The following EML1 variants were observed in gnomAD, a reference collection of about 807,000 sequenced individuals.
The protein encoded by EML1 is EMAP like 1.
A neutral mutation model predicts 110.4 loss-of-function variants in EML1; 27 were observed. That is an observed-to-expected ratio of 0.24 (90% CI 0.18 to 0.34). The LOEUF is 0.34. Ranked by LOEUF, EML1 falls within the 10% of genes least tolerant of loss-of-function variation. The probability of loss-of-function intolerance (pLI) is 1.00; values close to 1 mark genes in which losing one functional copy is unlikely to be tolerated. For synonymous variants in EML1, 344 were observed against 385.8 expected (o/e 0.89, Z 1.27); for missense variants, 741 against 1,030.9 (o/e 0.72, Z 3.85).
Position 99,846,698 on chromosome 14 carries a change from T to G in EML1, c.68-4155T>G, listed in dbSNP as rs148915601. Among the ~76,000 whole-genome samples, 10 of 152,336 alleles carry G rather than the reference T, an allele frequency of 6.6e-5. No individual in the cohort carries two copies. The East Asian group carries it at 1.7e-3, about 26-fold the overall frequency. ...TATATGTTTATATAACTTATCAAATTATTTTAGAAATTTGTAGGCAGGTGT... is the reference window on the plus strand; with the variant it reads ...TATATGTTTATATAACTTATCAAATGATTTTAGAAATTTGTAGGCAGGTGT... On this transcript the variant is annotated intron_variant, in intron 1 of 21. Transcript: ENST00000262233.
chr14:99,820,213 A>G (rs2058238650), intron 1 of EML1, among the ~76,000 whole-genome samples: 1 of 152,238 alleles, frequency 6.6e-6, no homozygotes, highest in African/African-American at 2.4e-5. Context: ...AGCTCTACCT[A>G]TACATGGGAG....
chr14:99,750,964 C>A (rs2057168189), intron 1 of EML1, among the ~76,000 whole-genome samples: 1 of 152,110 alleles, frequency 6.6e-6, no homozygotes, highest in African/African-American at 2.4e-5. Flanking sequence ...CCTTCCACCT[C>A]CAGGCCTCGG....
intron 1 of EML1, among the ~76,000 whole-genome samples, chr14:99,743,101 G>A (rs925021230): frequency 6.6e-6 from 1 of 152,138 alleles, no homozygotes; most frequent in Admixed American, 6.5e-5. Context: ...GGTTCACACC[G>A]CACTCCCAAC....
chr14:99,917,944 T>G, intron 16 of EML1, 95 bp downstream of exon 16: 1 of 1,273,400 alleles, frequency 7.9e-7, no homozygotes, highest in Non-Finnish European at 1.1e-6. Flanking sequence ...GTTCAGCTCT[T>G]GGCTACATGT....
In EML1 at chr14:99,760,530, G is replaced by A. The variant is rs147856338; in HGVS notation, c.28+22670G>A. 4.5e-4 allele frequency among the ~76,000 whole-genome samples: 68 copies of A among 152,278 alleles called. 1 individual carries two copies. In the East Asian group the frequency reaches 0.012, roughly 27 times the overall value. ...TTAGAACGCACCGTTCAAAGGAAAC[G>A]ACTTTTAGACTTTCATGAATTTAAT... On this transcript the variant is annotated intron_variant, in intron 1 of 10. Transcript: ENST00000554479.
intron 1 of EML1, among the ~76,000 whole-genome samples, chr14:99,848,263 A>G (rs2058736303): frequency 6.6e-6 from 1 of 152,182 alleles, no homozygotes; most frequent in African/African-American, 2.4e-5. Flanking sequence ...CCTTACAGTT[A>G]ATAATAACTG....
intron 1 of EML1, among the ~76,000 whole-genome samples, chr14:99,820,414 G>A (rs1208041469): frequency 6.6e-6 from 1 of 152,172 alleles, no homozygotes; most frequent in Non-Finnish European, 1.5e-5. Flanking sequence ...GGTAGCCCGT[G>A]CTCAGCAGCT....
At chr14:99,914,544 T>A in intron 14 of EML1, 22 bp from the exon 15 acceptor site, 1 of 1,579,576 alleles carries the variant, frequency 6.3e-7, no homozygotes, top group South Asian at 1.2e-5. Flanking sequence ...AGAGCGCTTC[T>A]GTTTGTCTTG....
intron 1 of EML1, among the ~76,000 whole-genome samples, chr14:99,797,100 A>T (rs1287460838): frequency 6.6e-6 from 1 of 152,182 alleles, no homozygotes; most frequent in Non-Finnish European, 1.5e-5. Flanking sequence ...ACCTACTAGC[A>T]GTCACTCCAT....
At chr14:99,910,405 T>G (rs1455759883) in intron 12 of EML1, 64 bp downstream of exon 12, 1 of 1,308,284 alleles carries the variant, frequency 7.6e-7, no homozygotes, top group East Asian at 2.3e-5. Flanking sequence ...CAAACATGAG[T>G]GCTTTAAGAA....
In EML1 at chr14:99,856,663, T is replaced by C. The variant is rs534211443; in HGVS notation, c.250+5628T>C. 2.1e-3 allele frequency among the ~76,000 whole-genome samples: 316 copies of C among 152,340 alleles called. 3 individuals are homozygous for C. Among genetic ancestry groups the C allele is most frequent in the Non-Finnish European group, 3.7e-3 (254 of 68,032 alleles). ...AGTTTCTTTTGTTTCTCTCATTAGC[T>C]GCCCTCTCCAGTTTAGATAGATATT... On this transcript the variant is annotated intron_variant, in intron 2 of 21. Coordinates refer to ENST00000262233, the MANE Select transcript of EML1 (RefSeq NM_004434.3).
intron 1 of EML1, among the ~76,000 whole-genome samples, chr14:99,806,496 A>G (rs2057978766): frequency 6.6e-6 from 1 of 151,892 alleles, no homozygotes; most frequent in Non-Finnish European, 1.5e-5. Flanking sequence ...TTGTATTTTT[A>G]GTAGAGATGA....
chr14:99,884,692 T>G (rs941022936), intron 4 of EML1, among the ~76,000 whole-genome samples: 11 of 152,056 alleles, frequency 7.2e-5, no homozygotes, highest in African/African-American at 2.7e-4. Flanking sequence ...ATTTAGAAAA[T>G]TCTTTTTACT....
At chr14:99,909,289 T>A in intron 10 of EML1, 56 bp from the exon 11 acceptor site, 2 of 1,611,528 alleles carry the variant, frequency 1.2e-6, no homozygotes, top group Non-Finnish European at 1.7e-6. Context: ...TTTTCCTACA[T>A]GTCTCTTACG....
intron 1 of EML1, among the ~76,000 whole-genome samples, chr14:99,794,743 T>A (rs2057739308): frequency 6.6e-6 from 1 of 152,212 alleles, no homozygotes; most frequent in Non-Finnish European, 1.5e-5. Flanking sequence ...TTAAAGAAAG[T>A]TTCTGCTTTT....
chr14:99,771,098 T>C (rs1432125015), upstream of EML1, among the ~76,000 whole-genome samples: 1 of 152,160 alleles, frequency 6.6e-6, no homozygotes, highest in Non-Finnish European at 1.5e-5. Flanking sequence ...ACTGATATTA[T>C]AATGATCAGT....
chr14:99,757,263 C>T (rs1373047952), intron 1 of EML1, among the ~76,000 whole-genome samples: 8 of 151,060 alleles, frequency 5.3e-5, no homozygotes, highest in African/African-American at 1.2e-4. Flanking sequence ...CACTTGAACC[C>T]GGGAGGTGGA....
chr14:99,801,481 G>A (rs1443878906), intron 1 of EML1, among the ~76,000 whole-genome samples: 2 of 152,148 alleles, frequency 1.3e-5, no homozygotes, highest in African/African-American at 4.8e-5. Context: ...CGGGCGTGGT[G>A]GCGGGCGCCT....
chr14:99,908,477 C>T (rs961306872), intron 10 of EML1, among the ~76,000 whole-genome samples: 4 of 152,210 alleles, frequency 2.6e-5, no homozygotes, highest in Admixed American at 2.6e-4. Context: ...GTATTCTAAC[C>T]AGGTCTGTTC....
Sources: gnomAD v4.1 joint callset for allele counts (sites outside exome capture counted in the v4.1 genomes callset) on GRCh38, gnomAD v4.1.1 for gene constraint, MANE v1.5 for transcripts, NCBI Gene and HGNC (gene_info 2026-07-23, HGNC 2026-07-21) for gene names.